UBE3D: variants seen among roughly 807,000 people sequenced by gnomAD.
UBE3D encodes E3 ubiquitin-protein ligase E3D.
UBE3D carries 48 observed loss-of-function variants against 49.6 expected under a neutral mutation model. The ratio of observed to expected loss-of-function variants is 0.97; its 90% confidence interval spans 0.77 to 1.23. UBE3D has a LOEUF of 1.23. Among genes scored for constraint, UBE3D ranks in the 50% most tolerant of loss-of-function variants. The probability of loss-of-function intolerance (pLI) is 0.00; values close to 1 mark genes in which losing one functional copy is unlikely to be tolerated. For missense variants in UBE3D, 452 were observed against 468.4 expected, an observed-to-expected ratio of 0.96 and a Z score of 0.32; for synonymous variants, 189 against 174.2, an observed-to-expected ratio of 1.08 and a Z score of -0.67.
chr6:82,920,641 G>A (rs571525590), intron 9 of UBE3D, among the ~76,000 whole-genome samples: 29 of 152,272 alleles, frequency 1.9e-4, no homozygotes, highest in Middle Eastern at 3.4e-3. Context: ...GATTAAATGA[G>A]ATCTTCCTAA....
intron 8 of UBE3D, among the ~76,000 whole-genome samples, chr6:82,999,632 A>G (rs1779484336): frequency 1.3e-5 from 2 of 152,014 alleles, no homozygotes; most frequent in South Asian, 2.1e-4. Context: ...TGATCCACCC[A>G]CCTCAGCCTC....
chr6:82,883,896 C>T, the UBE3D span, among the ~76,000 whole-genome samples: 3 of 152,130 alleles, frequency 2.0e-5, no homozygotes, highest in Non-Finnish European at 4.4e-5. Flanking sequence ...CCAAACAGTG[C>T]TAACACCTGA....
chr6:82,887,590 T>A (rs902266018), downstream of UBE3D, among the ~76,000 whole-genome samples: 1 of 150,630 alleles, frequency 6.6e-6, no homozygotes, highest in Non-Finnish European at 1.5e-5. Flanking sequence ...ACGCCTACAA[T>A]CCCAGCTACT....
At chr6:82,973,542 A>G (rs535123123) in intron 8 of UBE3D, among the ~76,000 whole-genome samples, 1 of 144,562 alleles carries the variant, frequency 6.9e-6, no homozygotes, top group Non-Finnish European at 1.5e-5. Context: ...GAAGGCCACT[A>G]TTTTTTATTA....
chr6:82,881,115 T>C, the UBE3D span, among the ~76,000 whole-genome samples: 1 of 152,192 alleles, frequency 6.6e-6, no homozygotes, highest in African/African-American at 2.4e-5. Flanking sequence ...TTTCAGTCAG[T>C]TGCAGGATTC....
intron 8 of UBE3D, among the ~76,000 whole-genome samples, chr6:82,985,953 C>T (rs1485392855): frequency 1.3e-5 from 2 of 152,064 alleles, no homozygotes; most frequent in South Asian, 2.1e-4. Context: ...TCTGATAGGG[C>T]TAGTCCTTGC....
At chr6:82,883,193 T>A in the UBE3D span, among the ~76,000 whole-genome samples, 1 of 152,218 alleles carries the variant, frequency 6.6e-6, no homozygotes, top group African/African-American at 2.4e-5. Flanking sequence ...AAAGTATATT[T>A]TCAAAAAAGA....
chr6:82,891,570 G>A (rs957318485), downstream of UBE3D, among the ~76,000 whole-genome samples: 1 of 152,140 alleles, frequency 6.6e-6, no homozygotes, highest in African/African-American at 2.4e-5. Context: ...GACTCTGCAG[G>A]ATCAACAGTT....
At chr6:83,039,333 T>C (rs1782483958) in intron 4 of UBE3D, among the ~76,000 whole-genome samples, 1 of 152,242 alleles carries the variant, frequency 6.6e-6, no homozygotes, top group Non-Finnish European at 1.5e-5. Context: ...GGCAGTGACT[T>C]CTGATGTGGG....
the UBE3D span, among the ~76,000 whole-genome samples, chr6:82,886,486 C>A: frequency 6.6e-6 from 1 of 152,124 alleles, no homozygotes; most frequent in African/African-American, 2.4e-5. Context: ...AGGACACAGG[C>A]TGGTACTGGT....
At chr6:82,918,381 A>C (rs927478053) in intron 9 of UBE3D, among the ~76,000 whole-genome samples, 1 of 152,102 alleles carries the variant, frequency 6.6e-6, no homozygotes, top group African/African-American at 2.4e-5. Flanking sequence ...TGCTCTTCAT[A>C]TGTATGACTT....
chr6:82,967,372 C>T (rs1179443818), intron 8 of UBE3D, among the ~76,000 whole-genome samples: 1 of 152,098 alleles, frequency 6.6e-6, no homozygotes, highest in Non-Finnish European at 1.5e-5. Context: ...TGTGCAGACT[C>T]GTGTGACCAC....
intron 7 of UBE3D, among the ~76,000 whole-genome samples, chr6:83,020,820 C>T (rs1383805650): frequency 6.6e-6 from 1 of 152,092 alleles, no homozygotes; most frequent in Non-Finnish European, 1.5e-5. Flanking sequence ...ACTATGTTTC[C>T]CTATTAGCTT....
At position 83,030,859 on chromosome 6, in the gene UBE3D, CAGAT is replaced by C. The variant is rs538942659; in HGVS notation, c.668-6825_668-6822del. On this transcript the variant is annotated intron_variant, in intron 5 of 9. Transcript: ENST00000369747. ...AATAAAGTCCAGGGTGAGGTGGTCT[CAGAT>C]AGAGATGAGGAACTTGTTGGGAACT... Among the ~76,000 whole-genome samples, 15 of 152,176 alleles carry C rather than the reference CAGAT, an allele frequency of 9.9e-5. 1 individual carries two copies. In the South Asian group the frequency reaches 3.1e-3, roughly 32 times the overall value.
chr6:83,011,852 G>A (rs1332928343), intron 8 of UBE3D, among the ~76,000 whole-genome samples: 4 of 152,084 alleles, frequency 2.6e-5, no homozygotes, highest in African/African-American at 9.7e-5. Flanking sequence ...ATGGTGAATG[G>A]TGCCACTTCC....
chr6:82,964,221 T>C (rs1776749532), intron 8 of UBE3D, among the ~76,000 whole-genome samples: 2 of 152,300 alleles, frequency 1.3e-5, no homozygotes, highest in East Asian at 3.9e-4. Context: ...TCACTTTCTA[T>C]CACTTCTAAC....
intron 9 of UBE3D, among the ~76,000 whole-genome samples, 174 bp from the exon 10 acceptor site, chr6:82,893,216 G>A (rs538208812): frequency 9.1e-4 from 139 of 152,204 alleles, no homozygotes; most frequent in Non-Finnish European, 1.5e-3. Flanking sequence ...GAGCCAATTA[G>A]TCTTTTTTTA....
intron 8 of UBE3D, among the ~76,000 whole-genome samples, chr6:83,008,999 G>A (rs1040881478): frequency 6.6e-6 from 1 of 152,130 alleles, no homozygotes; most frequent in Non-Finnish European, 1.5e-5. Flanking sequence ...CCTACTAATT[G>A]AATACAAGAG....
chr6:83,044,188 G>A (rs1390873394), intron 4 of UBE3D, among the ~76,000 whole-genome samples: 3 of 152,186 alleles, frequency 2.0e-5, no homozygotes, highest in East Asian at 1.9e-4. Flanking sequence ...GGTAGCACTC[G>A]CAATTCTAAG....
Sources: allele counts gnomAD v4.1 joint callset (sites outside exome capture counted in the v4.1 genomes callset), GRCh38; gene constraint gnomAD v4.1.1; transcripts MANE v1.5; gene names NCBI Gene and HGNC (gene_info 2026-07-23, HGNC 2026-07-21).